Variants in SPIDR observed in about 807,000 individuals in gnomAD.
SPIDR encodes scaffold protein involved in DNA repair, also known as DNA repair-scaffolding protein.
SPIDR carries 93 observed loss-of-function variants against 104.6 expected under a neutral mutation model. That is an observed-to-expected ratio of 0.89 (90% CI 0.75 to 1.06). SPIDR has a LOEUF of 1.06. Ranked by LOEUF, SPIDR falls within the 50% of genes least tolerant of loss-of-function variation. The pLI is 0.00. For synonymous variants in SPIDR, 431 were observed against 416.9 expected (o/e 1.03, Z -0.41); for missense variants, 1,154 against 1,111.2 (o/e 1.04, Z -0.55).
intron 16 of SPIDR, among the ~76,000 whole-genome samples, chr8:47,719,426 G>A (rs1056161420): frequency 3.2e-4 from 49 of 152,078 alleles, no homozygotes; most frequent in African/African-American, 1.1e-3. Flanking sequence ...GGAGAATGGC[G>A]TGAACCTGGG....
intron 10 of SPIDR, among the ~76,000 whole-genome samples, chr8:47,628,137 T>C (rs1034771295): frequency 6.6e-6 from 1 of 152,210 alleles, no homozygotes; most frequent in Non-Finnish European, 1.5e-5. Context: ...TATAGATGGC[T>C]TTCCCTATTA....
chr8:47,478,685 G>T (rs1169046193), intron 8 of SPIDR, among the ~76,000 whole-genome samples: 1 of 152,178 alleles, frequency 6.6e-6, no homozygotes, highest in African/African-American at 2.4e-5. Flanking sequence ...GCATTTCTCA[G>T]TGTTCACAGA....
At chr8:47,423,323 A>G (rs2065885845) in intron 7 of SPIDR, among the ~76,000 whole-genome samples, 1 of 151,648 alleles carries the variant, frequency 6.6e-6, no homozygotes, top group East Asian at 1.9e-4. Flanking sequence ...TAGAGCAGCA[A>G]GAGCCAGGCA....
chr8:47,667,850 G>A (rs1192886151), intron 10 of SPIDR: 3 of 152,100 alleles, frequency 2.0e-5, no homozygotes, highest in Non-Finnish European at 4.4e-5. Flanking sequence ...AGGATGACAT[G>A]CAAATTCATG....
intron 8 of SPIDR, among the ~76,000 whole-genome samples, chr8:47,588,033 ATAT>A (rs2060471408): frequency 0.021 from 498 of 23,292 alleles, 92 homozygotes; most frequent in Admixed American, 0.028. Context: ...TAGCATATAT[ATAT>A]ATATATATAT....
intron 8 of SPIDR, among the ~76,000 whole-genome samples, chr8:47,454,368 A>G (rs891960432): frequency 2.0e-5 from 3 of 152,138 alleles, no homozygotes; most frequent in Non-Finnish European, 4.4e-5. Context: ...TCAGCAAACT[A>G]TCACAGGGAC....
intron 16 of SPIDR, among the ~76,000 whole-genome samples, chr8:47,723,938 CATT>C (rs1287125093): frequency 6.6e-6 from 1 of 151,312 alleles, no homozygotes; most frequent in African/African-American, 2.4e-5. Context: ...AAGGTATAAT[CATT>C]GATTACATTA....
At chr8:47,720,413 G>T (rs1186849850) in intron 16 of SPIDR, among the ~76,000 whole-genome samples, 3 of 152,180 alleles carry the variant, frequency 2.0e-5, no homozygotes, top group Admixed American at 6.5e-5. Flanking sequence ...TCCAAAGTTG[G>T]CTGTATCATT....
At chr8:47,636,362 A>G (rs2067920967) in intron 10 of SPIDR, among the ~76,000 whole-genome samples, 1 of 152,206 alleles carries the variant, frequency 6.6e-6, no homozygotes, top group African/African-American at 2.4e-5. Flanking sequence ...AAACACAACA[A>G]TATTGAAATT....
intron 5 of SPIDR, among the ~76,000 whole-genome samples, chr8:47,366,134 T>A (rs1416590662): frequency 6.6e-6 from 1 of 152,098 alleles, no homozygotes; most frequent in Non-Finnish European, 1.5e-5. Context: ...ATGAGAGTGA[T>A]GAGACGTCTT....
At chr8:47,438,477 A>C (rs2068777604) in intron 7 of SPIDR, among the ~76,000 whole-genome samples, 1 of 152,202 alleles carries the variant, frequency 6.6e-6, no homozygotes, top group South Asian at 2.1e-4. Flanking sequence ...AGTGACTTCC[A>C]CATTATCCTG....
intron 10 of SPIDR, among the ~76,000 whole-genome samples, chr8:47,624,389 A>C (rs556413287): frequency 6.6e-6 from 1 of 152,344 alleles, no homozygotes; most frequent in South Asian, 2.1e-4. Flanking sequence ...CTAAGATCAG[A>C]GCAGAACTGA....
chr8:47,611,294 G>A (rs1189036920), intron 10 of SPIDR, among the ~76,000 whole-genome samples: 1 of 152,156 alleles, frequency 6.6e-6, no homozygotes, highest in Non-Finnish European at 1.5e-5. Context: ...GGGAACCAAG[G>A]TCCCTGAAGA....
intron 5 of SPIDR, among the ~76,000 whole-genome samples, chr8:47,323,567 T>C (rs1339190284): frequency 2.0e-5 from 3 of 152,346 alleles, no homozygotes; most frequent in Middle Eastern, 3.4e-3. Context: ...TACCTCTCAC[T>C]GAATGCTTGG....
At chr8:47,606,893 A>C (rs1420006745) in intron 10 of SPIDR, among the ~76,000 whole-genome samples, 4 of 152,186 alleles carry the variant, frequency 2.6e-5, no homozygotes, top group Non-Finnish European at 5.9e-5. Context: ...GGTGGCATAC[A>C]TTCCTTCGCT....
chr8:47,387,936 T>C (rs1277610054), intron 5 of SPIDR, among the ~76,000 whole-genome samples: 1 of 152,204 alleles, frequency 6.6e-6, no homozygotes, highest in Non-Finnish European at 1.5e-5. Flanking sequence ...CCTCACCCAA[T>C]CCATAGGATT....
intron 5 of SPIDR, among the ~76,000 whole-genome samples, chr8:47,354,274 T>A (rs2054099210): frequency 6.6e-6 from 1 of 152,168 alleles, no homozygotes; most frequent in African/African-American, 2.4e-5. Context: ...TGAAGATATA[T>A]TCATGTTTAT....
At position 47,712,783 on chromosome 8, in the gene SPIDR, C is replaced by T; in HGVS notation, c.2099C>T (p.Pro700Leu). 6.2e-7 allele frequency: 1 copy of T among 1,614,140 alleles called. No homozygotes were observed. The highest frequency in any genetic ancestry group is 8.5e-7 in the Non-Finnish European group (1 of 1,180,032). Residue 700 changes from proline to leucine, a missense_variant, in exon 15 of 20, where the codon CCC becomes CTC. Physicochemically the swap from Pro to Leu is moderately conservative, Grantham distance 98. Transcript: ENST00000297423. ...LPKTLLVYVA[P>L]LCVLGSEVLE... is the part of the protein sequence containing the mutation. Reference sequence around the variant, plus strand: ...AAAACCCTGCTGGTCTATGTGGCCCCCTTGTGTGTGCTGGGCTCTGAAGTC... The same window carrying T: ...AAAACCCTGCTGGTCTATGTGGCCCTCTTGTGTGTGCTGGGCTCTGAAGTC...
chr8:47,567,943 C>A lies in SPIDR; in HGVS notation c.1098-27868C>A, dbSNP rs369329636. On this transcript the variant is annotated intron_variant, in intron 8 of 19. Transcript: ENST00000297423. ...GGGACCATAGGCATGTGCCACCACA[C>A]CTAGAAATGTTTAAATAATTTTTAT... Among the ~76,000 whole-genome samples the A allele has an allele frequency of 3.3e-5, 5 of 151,914 alleles. No homozygotes were observed. The South Asian group carries it at 6.2e-4, about 19-fold the overall frequency.
Sources: allele counts gnomAD v4.1 joint callset (sites outside exome capture counted in the v4.1 genomes callset), GRCh38; gene constraint gnomAD v4.1.1; transcripts MANE v1.5; gene names NCBI Gene and HGNC (gene_info 2026-07-23, HGNC 2026-07-21).